Variants in SGK1 observed in about 807,000 individuals in gnomAD.
The protein encoded by SGK1 is serum/glucocorticoid regulated kinase 1.
SGK1 carries 26 observed loss-of-function variants against 64.2 expected under a neutral mutation model. That is an observed-to-expected ratio of 0.40 (90% CI 0.30 to 0.56). SGK1 has a LOEUF of 0.56. SGK1 is among the 20% of genes least tolerant of loss of function. The pLI, the probability that SGK1 is intolerant of heterozygous loss-of-function variation, is 0.38. For missense variants in SGK1, 519 were observed against 645.6 expected (o/e 0.80, Z 2.12); for synonymous variants, 265 against 239.7 (o/e 1.11, Z -0.98).
At chr6:134,258,412 TA>T (rs547026377) in intron 2 of SGK1, among the ~76,000 whole-genome samples, 2 of 151,746 alleles carry the variant, frequency 1.3e-5, no homozygotes, top group Non-Finnish European at 2.9e-5. Flanking sequence ...ATAATAATAA[TA>T]AAAAAAACCC....
intron 1 of SGK1, among the ~76,000 whole-genome samples, chr6:134,287,718 T>C (rs1418135449): frequency 6.6e-6 from 1 of 152,170 alleles, no homozygotes; most frequent in Non-Finnish European, 1.5e-5. Flanking sequence ...AAAGTTAGAA[T>C]ATCAATTTGT....
chr6:134,221,363 T>C (rs1388239945), intron 2 of SGK1, among the ~76,000 whole-genome samples: 1 of 152,194 alleles, frequency 6.6e-6, no homozygotes, highest in African/African-American at 2.4e-5. Flanking sequence ...CAAATAATTA[T>C]GGCAAAAGTA....
chr6:134,219,795 C>T (rs1243195929), intron 2 of SGK1, among the ~76,000 whole-genome samples: 1 of 148,186 alleles, frequency 6.7e-6, no homozygotes, highest in African/African-American at 2.5e-5. Context: ...CGCGGTGGCT[C>T]ACGCCTGTAG....
At chr6:134,183,083 A>C (rs1775356464) in intron 3 of SGK1, among the ~76,000 whole-genome samples, 1 of 152,208 alleles carries the variant, frequency 6.6e-6, no homozygotes, top group South Asian at 2.1e-4. Flanking sequence ...TGCAGGAATG[A>C]GAAGAGGAAC....
chr6:134,274,945 C>T (rs1485312813), intron 1 of SGK1, among the ~76,000 whole-genome samples: 1 of 152,046 alleles, frequency 6.6e-6, no homozygotes, highest in African/African-American at 2.4e-5. Flanking sequence ...ACTGGGATTA[C>T]AGGCCTGCAC....
intron 2 of SGK1, among the ~76,000 whole-genome samples, chr6:134,228,098 G>C (rs1264242652): frequency 6.6e-6 from 1 of 151,892 alleles, no homozygotes; most frequent in Non-Finnish European, 1.5e-5. Flanking sequence ...TGGGATTACA[G>C]GTGCCTGCCA....
chr6:134,278,789 A>G (rs1220040875), intron 1 of SGK1, among the ~76,000 whole-genome samples: 2 of 152,178 alleles, frequency 1.3e-5, no homozygotes, highest in African/African-American at 4.8e-5. Context: ...AATAAATTGG[A>G]AATGTTCAAA....
At chr6:134,297,857 C>T (rs879727127) in intron 1 of SGK1, 17 of 772,824 alleles carry the variant, frequency 2.2e-5, no homozygotes, top group Non-Finnish European at 3.7e-5. Context: ...CCAGCATCTG[C>T]AGCTCCTCAT....
At chr6:134,223,368 CAA>C (rs71003681) in intron 2 of SGK1, among the ~76,000 whole-genome samples, 41 of 138,662 alleles carry the variant, frequency 3.0e-4, no homozygotes, top group East Asian at 4.2e-4. Context: ...AACTCCGTCT[CAA>C]AAAAAAAAAA....
intron 3 of SGK1, chr6:134,175,695 AGC>A: frequency 6.9e-7 from 1 of 1,447,378 alleles, no homozygotes; most frequent in South Asian, 1.3e-5. Flanking sequence ...GGCAGACGAG[AGC>A]GACCGGCGAG....
rs1048034684 is a variant in SGK1, at chr6:134,169,283, A to G, written c.*985T>C. 1 of 152,660 alleles carries G rather than the reference A, an allele frequency of 6.6e-6. No individual in the cohort carries two copies. Among genetic ancestry groups the G allele is most frequent in the African/African-American group, 2.4e-5 (1 of 41,466 alleles). 9.5% of individuals were successfully genotyped at this position (152,660 alleles called of 1,614,324 possible). A position where few individuals can be genotyped will look rare whatever the true frequency, so the allele number is the denominator to read the frequency against. The stretch of plus-strand genomic sequence containing the variant: ...TTTTTCAAGGTTTTATTGCAAACCA[A>G]AATCAGTTTATCACACACAAAAAAA... On this transcript the variant is annotated 3_prime_UTR_variant, in exon 14 of 14. Coordinates refer to ENST00000367858, the MANE Select transcript of SGK1 (RefSeq NM_001143676.3).
chr6:134,244,852 T>G (rs1776502102), intron 2 of SGK1, among the ~76,000 whole-genome samples: 4 of 152,242 alleles, frequency 2.6e-5, no homozygotes. Context: ...CTTGGCTCAC[T>G]GCAACCTCTG....
chr6:134,310,180 C>A (rs1392634655), intron 1 of SGK1, among the ~76,000 whole-genome samples: 4 of 152,068 alleles, frequency 2.6e-5, no homozygotes, highest in Non-Finnish European at 5.9e-5. Context: ...TCCAGTGTTA[C>A]ATATGGCACC....
At chr6:134,174,316 A>C in intron 4 of SGK1, 195 bp downstream of exon 4, 1 of 607,650 alleles carries the variant, frequency 1.6e-6, no homozygotes, top group South Asian at 2.1e-5. Context: ...CATTTATCTT[A>C]CATCTCCAGT....
rs772102931 is a variant in SGK1, at chr6:134,261,963, T to A, written c.255A>T (p.Ser85=). ...ACCCAGATTGAGTTTCCCATGAACA[T>A]GACTCGTTCTCCTGAGGGAGAACCC... The part of the protein sequence containing the change: ...QRGVLPQENE[S]CSWETQSGCE... Residue 85 remains serine (S), a synonymous_variant, in exon 2 of 14, where the codon TCA becomes TCT. Coordinates refer to ENST00000367858, the MANE Select transcript of SGK1 (RefSeq NM_001143676.3). The A allele has an allele frequency of 6.2e-7, 1 of 1,613,718 alleles. No individual in the cohort carries two copies. Among genetic ancestry groups the A allele is most frequent in the East Asian group, 2.2e-5 (1 of 44,876 alleles).
chr6:134,277,159 C>A (rs1369352239), intron 1 of SGK1, among the ~76,000 whole-genome samples: 2 of 151,978 alleles, frequency 1.3e-5, no homozygotes, highest in Non-Finnish European at 2.9e-5. Context: ...GGCATCTCTA[C>A]TAAAACTACA....
intron 3 of SGK1, among the ~76,000 whole-genome samples, chr6:134,190,287 CTTTT>C (rs757580358): frequency 2.2e-5 from 3 of 135,556 alleles, no homozygotes; most frequent in African/African-American, 2.7e-5. Flanking sequence ...TCCTTCCTTC[CTTTT>C]TTTTTTTTTT....
At chr6:134,226,792 C>T (rs557855466) in intron 2 of SGK1, among the ~76,000 whole-genome samples, 1 of 152,276 alleles carries the variant, frequency 6.6e-6, no homozygotes, top group Admixed American at 6.5e-5. Context: ...CTCAAGTGAT[C>T]CTCCCACTTC....
intron 1 of SGK1, among the ~76,000 whole-genome samples, chr6:134,282,727 A>G (rs1196135253): frequency 6.6e-6 from 1 of 151,708 alleles, no homozygotes; most frequent in African/African-American, 2.4e-5. Flanking sequence ...GAAAAGCATT[A>G]AGAGTAAAGC....
Sources: gnomAD v4.1 joint callset for allele counts (sites outside exome capture counted in the v4.1 genomes callset) on GRCh38, gnomAD v4.1.1 for gene constraint, MANE v1.5 for transcripts, NCBI Gene and HGNC (gene_info 2026-07-23, HGNC 2026-07-21) for gene names.